The following KCTD9 variants were observed in gnomAD, a reference collection of about 807,000 sequenced individuals.
KCTD9 encodes the protein potassium channel tetramerization domain containing 9, also known as BTB/POZ domain-containing protein KCTD9.
A neutral mutation model predicts 53.3 loss-of-function variants in KCTD9; 17 were observed. The ratio of observed to expected loss-of-function variants is 0.32; its 90% CI spans 0.22 to 0.48. The LOEUF (loss-of-function observed/expected upper bound fraction) is 0.48. Ranked by LOEUF, KCTD9 falls within the 20% of genes least tolerant of loss-of-function variation. The pLI, the probability that KCTD9 is intolerant of heterozygous loss-of-function variation, is 0.99. For missense variants in KCTD9, 179 were observed against 465.5 expected (o/e 0.38, Z 5.66); for synonymous variants, 128 against 162.7 (o/e 0.79, Z 1.62).
At chr8:25,439,573 A>C (rs754802370) in intron 5 of KCTD9, 33 bp downstream of exon 5, 1 of 1,610,090 alleles carries the variant, frequency 6.2e-7, no homozygotes, top group South Asian at 1.1e-5. Flanking sequence ...AAAACAGGTA[A>C]GATGAAATGT....
chr8:25,430,135 T>C, intron 11 of KCTD9, among the ~76,000 whole-genome samples, 162 bp from the exon 12 acceptor site: 1 of 152,314 alleles, frequency 6.6e-6, no homozygotes, highest in East Asian at 1.9e-4. Context: ...AATTAAGATG[T>C]TCTTCTATCT....
At chr8:25,442,452 C>G (rs1802140795) in intron 3 of KCTD9, among the ~76,000 whole-genome samples, 1 of 152,110 alleles carries the variant, frequency 6.6e-6, no homozygotes, top group Non-Finnish European at 1.5e-5. Context: ...ATAATTAACA[C>G]AGAACAAGTT....
chr8:25,455,664 G>A (rs981228845), intron 1 of KCTD9, among the ~76,000 whole-genome samples: 2 of 152,142 alleles, frequency 1.3e-5, no homozygotes, highest in African/African-American at 4.8e-5. Context: ...TTTGGTGAGG[G>A]TTAATTTGGT....
At chr8:25,437,889 T>G (rs1238733247) in intron 6 of KCTD9, among the ~76,000 whole-genome samples, 4 of 150,130 alleles carry the variant, frequency 2.7e-5, no homozygotes, top group African/African-American at 9.9e-5. Context: ...AAATCTGGAT[T>G]TGAATCCCAG....
In KCTD9 at chr8:25,454,093, C is replaced by T. The variant is rs552599784; in HGVS notation, c.48+4106G>A. On this transcript the variant is annotated intron_variant, in intron 1 of 11. Coordinates refer to ENST00000221200, the MANE Select transcript of KCTD9 (RefSeq NM_017634.4). ...TTAGAGATGGGATCTCACTATGTTGCCCAGGCTGGTCTTGAACTCCTGAAC... is the reference window on the plus strand; with the variant it reads ...TTAGAGATGGGATCTCACTATGTTGTCCAGGCTGGTCTTGAACTCCTGAAC... Among the ~76,000 whole-genome samples the T allele has an allele frequency of 1.0e-3, 152 of 152,248 alleles. 2 individuals carry two copies. The South Asian group carries it at 0.031, about 31-fold the overall frequency.
chr8:25,429,363 G>A lies in KCTD9; in HGVS notation c.*494C>T, dbSNP rs1801889119. 2 of 154,198 alleles carry A rather than the reference G, an allele frequency of 1.3e-5. No homozygotes were observed. Among genetic ancestry groups the A allele is most frequent in the Admixed American group, 6.4e-5 (1 of 15,510 alleles). The allele number at this position is 154,198 out of a possible 1,614,324, so 9.6% of individuals were successfully genotyped here. On this transcript the variant is annotated 3_prime_UTR_variant, in exon 12 of 12. Transcript: ENST00000221200. ...TGTGACAGGTATTTAAAGAGGGGAG[G>A]CATCACTAAAGCTATTTATAAACCT...
chr8:25,441,164 A>G (rs1802114353), intron 3 of KCTD9, among the ~76,000 whole-genome samples: 1 of 152,082 alleles, frequency 6.6e-6, no homozygotes, highest in African/African-American at 2.4e-5. Context: ...AATGCAACAA[A>G]GACAACAGAG....
At chr8:25,431,544 T>C (rs1235067683) in intron 11 of KCTD9, among the ~76,000 whole-genome samples, 1 of 152,104 alleles carries the variant, frequency 6.6e-6, no homozygotes, top group Non-Finnish European at 1.5e-5. Context: ...ATAGTCAACC[T>C]GATCAGTCTT....
intron 3 of KCTD9, among the ~76,000 whole-genome samples, 176 bp downstream of exon 3, chr8:25,444,115 CA>C (rs1802171231): frequency 6.6e-6 from 1 of 152,040 alleles, no homozygotes; most frequent in Non-Finnish European, 1.5e-5. Context: ...AAACTACGAT[CA>C]TATAGTAAAA....
rs1476701491 is a variant in KCTD9, at chr8:25,428,931, A to AAAC, written c.*923_*925dup. 1 of 152,180 alleles carries AAAC rather than the reference A, an allele frequency of 6.6e-6. No homozygotes were observed. The highest frequency in any genetic ancestry group is 1.5e-5 in the Non-Finnish European group (1 of 68,032). The allele number at this position is 152,180 out of a possible 1,614,324, so 9.4% of individuals were successfully genotyped here. A position where few individuals can be genotyped will look rare whatever the true frequency, so the allele number is the denominator to read the frequency against. ...ATCTATTTCTAAGCTGGCCCTATGT[A>AAAC]AACTATTTGGTATTTGAATTAAATG... On this transcript the variant is annotated 3_prime_UTR_variant, in exon 12 of 12. Transcript: ENST00000221200.
At chr8:25,455,544 A>G (rs1021388549) in intron 1 of KCTD9, among the ~76,000 whole-genome samples, 13 of 152,230 alleles carry the variant, frequency 8.5e-5, no homozygotes, top group African/African-American at 3.1e-4. Flanking sequence ...TATACATACT[A>G]GGAGAAGTGG....
chr8:25,446,076 G>T, intron 2 of KCTD9, 53 bp downstream of exon 2: 1 of 1,596,180 alleles, frequency 6.3e-7, no homozygotes, highest in Middle Eastern at 2.2e-4. Flanking sequence ...AAACAGCATA[G>T]CACCAAGAAG....
At chr8:25,433,252 T>C (rs1801961148) in intron 10 of KCTD9, 78 bp downstream of exon 10, 1 of 758,766 alleles carries the variant, frequency 1.3e-6, no homozygotes, top group East Asian at 2.6e-5. Context: ...GTTTCACCCT[T>C]AACAATTATT....
chr8:25,442,303 T>G (rs986056633), intron 3 of KCTD9, among the ~76,000 whole-genome samples: 7 of 152,304 alleles, frequency 4.6e-5, no homozygotes, highest in Middle Eastern at 3.4e-3. Flanking sequence ...CTTTGGGTGA[T>G]CTATGAAAAA....
rs958548993 is a variant in KCTD9 at position 25,458,101 on chromosome 8, C to T, written c.48+98G>A. On this transcript the variant is annotated intron_variant, in intron 1 of 11. Transcript: ENST00000221200. ...AGCCCGCGCACGCCCACCTCCCAGC[C>T]CCTCTACCCAACTTCACCGCTGCCC... 1.2e-5 allele frequency: 15 copies of T among 1,235,050 alleles called. No individual in the cohort carries two copies. The Admixed American group carries it at 2.0e-4, about 17-fold the overall frequency. 76.5% of individuals were successfully genotyped at this position (1,235,050 alleles called of 1,614,324 possible). A position where few individuals can be genotyped will look rare whatever the true frequency, so the allele number is the denominator to read the frequency against.
At chr8:25,454,564 A>G (rs1802394937) in intron 1 of KCTD9, among the ~76,000 whole-genome samples, 1 of 152,258 alleles carries the variant, frequency 6.6e-6, no homozygotes, top group Non-Finnish European at 1.5e-5. Context: ...ATTAAAAAGA[A>G]TAACGAAAAT....
At chr8:25,453,930 T>A (rs1029133027) in intron 1 of KCTD9, among the ~76,000 whole-genome samples, 1 of 152,234 alleles carries the variant, frequency 6.6e-6, no homozygotes, top group African/African-American at 2.4e-5. Flanking sequence ...ACTAGGTTCT[T>A]ATTAATGTTT....
chr8:25,447,976 A>G (rs1802246755), intron 1 of KCTD9, among the ~76,000 whole-genome samples: 1 of 152,178 alleles, frequency 6.6e-6, no homozygotes, highest in South Asian at 2.1e-4. Context: ...AAAAATACAA[A>G]AAGTAGCCAA....
chr8:25,458,356 C>T lies in KCTD9; in HGVS notation c.-110G>A. On this transcript the variant is annotated 5_prime_UTR_variant, in exon 1 of 12. Transcript: ENST00000221200. ...TCCCTCCACCCACTCGGATTCGCCT[C>T]CCTTCGCCACCTTCCTGCCCTTGGG... 8.2e-7 allele frequency: 1 copy of T among 1,219,236 alleles called. No homozygotes were observed. Among genetic ancestry groups the T allele is most frequent in the Non-Finnish European group, 1.2e-6 (1 of 841,120 alleles). The allele number at this position is 1,219,236 out of a possible 1,614,324, so 75.5% of individuals were successfully genotyped here. A position where few individuals can be genotyped will look rare whatever the true frequency, so the allele number is the denominator to read the frequency against.
Sources: allele counts gnomAD v4.1 joint callset (sites outside exome capture counted in the v4.1 genomes callset), GRCh38; gene constraint gnomAD v4.1.1; transcripts MANE v1.5; gene names NCBI Gene and HGNC (gene_info 2026-07-23, HGNC 2026-07-21).